KANK1: variants seen among roughly 807,000 people sequenced by gnomAD.
KANK1 encodes the protein KN motif and ankyrin repeat domain-containing protein 1.
A neutral mutation model predicts 106.2 loss-of-function variants in KANK1; 109 were observed. The ratio of observed to expected loss-of-function variants is 1.03; its 90% CI spans 0.88 to 1.20. KANK1 has a LOEUF of 1.20. Among genes scored for constraint, KANK1 ranks in the 50% most tolerant of loss-of-function variants. KANK1 has a pLI of 0.00. For synonymous variants in KANK1, 873 were observed against 652.2 expected (o/e 1.34, Z -5.16); for missense variants, 2,399 against 1,710.7 (o/e 1.40, Z -7.10).
rs370267815 is a variant in KANK1 at position 636,443 on chromosome 9, A to G, written c.-83-40447A>G. 2.0e-5 allele frequency among the ~76,000 whole-genome samples: 3 copies of G among 152,164 alleles called. No homozygotes were observed. In the East Asian group the frequency reaches 5.8e-4, roughly 29 times the overall value. ...TTCCTGCCTGGATTGTAAACATCTC[A>G]TTTCTCTTCTGTTCCACAGCATTCA... is the stretch of plus-strand genomic sequence containing the variant. On this transcript the variant is annotated intron_variant, in intron 1 of 11. Coordinates refer to ENST00000382297, the MANE Select transcript of KANK1 (RefSeq NM_015158.5).
intron 1 of KANK1, among the ~76,000 whole-genome samples, chr9:656,280 A>T (rs1842124068): frequency 6.6e-6 from 1 of 152,176 alleles, no homozygotes; most frequent in Non-Finnish European, 1.5e-5. Context: ...AGGGAGAGAC[A>T]AGACCTTCGC....
intron 1 of KANK1, among the ~76,000 whole-genome samples, chr9:538,571 T>G (rs1209806926): frequency 1.3e-5 from 2 of 152,186 alleles, no homozygotes; most frequent in Non-Finnish European, 2.9e-5. Flanking sequence ...CTAACTTAAT[T>G]ATAGATACCT....
intron 1 of KANK1, among the ~76,000 whole-genome samples, chr9:632,886 G>A (rs1836100156): frequency 6.6e-6 from 1 of 151,972 alleles, no homozygotes; most frequent in African/African-American, 2.4e-5. Flanking sequence ...TAGACACGGG[G>A]TTTCGCCATG....
At chr9:595,022 GAAAAA>G (rs528071481) in intron 1 of KANK1, among the ~76,000 whole-genome samples, 1 of 151,614 alleles carries the variant, frequency 6.6e-6, no homozygotes, top group African/African-American at 2.4e-5. Context: ...GATTCGAAAA[GAAAAA>G]AAAGAATTTT....
chr9:553,943 G>A (rs979971576), intron 1 of KANK1, among the ~76,000 whole-genome samples: 3 of 152,122 alleles, frequency 2.0e-5, no homozygotes, highest in African/African-American at 7.2e-5. Context: ...GGGTCCTCTG[G>A]AGCATTATGT....
Position 481,386 on chromosome 9 carries a change from CT to C in KANK1, c.-362+8114del, listed in dbSNP as rs545540007. Among the ~76,000 whole-genome samples, 8 of 152,300 alleles carry C rather than the reference CT, an allele frequency of 5.3e-5. No individual in the cohort carries two copies. The South Asian group carries it at 6.2e-4, about 12-fold the overall frequency. On this transcript the variant is annotated intron_variant, in intron 3 of 15. Coordinates refer to the KANK1 transcript ENST00000382303. ...CTATGGATCAAGAGGATATTTGCCG[CT>C]CCTGGACTAGCAAATCCTTAAGCCT...
chr9:562,037 A>ATTT (rs1307521609), intron 1 of KANK1, among the ~76,000 whole-genome samples: 3 of 87,256 alleles, frequency 3.4e-5, no homozygotes, highest in Admixed American at 1.5e-4. Flanking sequence ...AGTAAATTGC[A>ATTT]TTTTCTTTTT....
intron 1 of KANK1, among the ~76,000 whole-genome samples, chr9:664,626 G>C (rs1844144682): frequency 2.6e-5 from 4 of 152,222 alleles, no homozygotes; most frequent in African/African-American, 9.6e-5. Flanking sequence ...GGATAGTGCT[G>C]CAATAAACAT....
intron 2 of KANK1, chr9:685,487 G>T (rs935580508): frequency 6.6e-6 from 1 of 152,130 alleles, no homozygotes; most frequent in African/African-American, 2.4e-5. Flanking sequence ...GGATTTGTAG[G>T]ATTTGTTCGT....
chr9:735,589 C>T (rs1038408039), intron 7 of KANK1: 5 of 184,192 alleles, frequency 2.7e-5, no homozygotes, highest in Admixed American at 9.9e-5. Context: ...CTAAGGATAC[C>T]GAAATGCACA....
chr9:567,107 C>T lies in KANK1; in HGVS notation c.-84+62353C>T, dbSNP rs570167921. ...CCATTTATTCAACAGGGAGTCCTTT[C>T]CCCATTGCTTGTTTTTGTCAGGTTT... On this transcript the variant is annotated intron_variant, in intron 1 of 11. Coordinates refer to ENST00000382297, the MANE Select transcript of KANK1 (RefSeq NM_015158.5). Among the ~76,000 whole-genome samples, 7 of 152,242 alleles carry T rather than the reference C, an allele frequency of 4.6e-5. No individual in the cohort carries two copies. In the South Asian group the frequency reaches 1.5e-3, roughly 32 times the overall value.
At chr9:552,288 G>C (rs1305921494) in intron 1 of KANK1, among the ~76,000 whole-genome samples, 2 of 152,164 alleles carry the variant, frequency 1.3e-5, no homozygotes, top group African/African-American at 4.8e-5. Context: ...GGAAGAAGAC[G>C]AAAGTAGAAG....
intron 1 of KANK1, among the ~76,000 whole-genome samples, chr9:564,743 G>T (rs2134544485): frequency 6.6e-6 from 1 of 152,312 alleles, no homozygotes; most frequent in Non-Finnish European, 1.5e-5. Context: ...TGCCCTTACT[G>T]TTAACTGCTT....
intron 1 of KANK1, among the ~76,000 whole-genome samples, chr9:537,482 T>C (rs2060359822): frequency 6.6e-6 from 1 of 152,258 alleles, no homozygotes; most frequent in Non-Finnish European, 1.5e-5. Context: ...CAAGTGTTGC[T>C]AATGTCTTTG....
chr9:727,390 A>G (rs1355525686), intron 3 of KANK1, among the ~76,000 whole-genome samples: 1 of 151,576 alleles, frequency 6.6e-6, no homozygotes, highest in African/African-American at 2.4e-5. Flanking sequence ...ATCTTGGCTC[A>G]CTGCAACCTC....
intron 1 of KANK1, among the ~76,000 whole-genome samples, chr9:635,546 T>TG (rs1394027381): frequency 6.6e-6 from 1 of 152,182 alleles, no homozygotes; most frequent in Non-Finnish European, 1.5e-5. Context: ...CCCTTGAGAC[T>TG]GGAGCTAGTC....
chr9:537,041 A>G (rs1252893082), intron 1 of KANK1, among the ~76,000 whole-genome samples: 3 of 152,200 alleles, frequency 2.0e-5, no homozygotes, highest in Admixed American at 1.3e-4. Flanking sequence ...GAAGCGAGAG[A>G]GAAGCGAGGA....
chr9:742,437 G>A (rs1472526083), intron 10 of KANK1, 32 bp downstream of exon 10: 3 of 1,558,906 alleles, frequency 1.9e-6, no homozygotes, highest in Admixed American at 3.5e-5. Context: ...TCCTGGCCAG[G>A]GGTCTGGGGG....
intron 2 of KANK1, among the ~76,000 whole-genome samples, chr9:682,537 A>T (rs1043840649): frequency 2.0e-5 from 3 of 152,188 alleles, no homozygotes; most frequent in African/African-American, 7.2e-5. Flanking sequence ...CAATGACTGT[A>T]TAATATTCCT....
Sources: allele counts gnomAD v4.1 joint callset (sites outside exome capture counted in the v4.1 genomes callset), GRCh38; gene constraint gnomAD v4.1.1; transcripts MANE v1.5; gene names NCBI Gene and HGNC (gene_info 2026-07-23, HGNC 2026-07-21).